MAP7D3: variants seen among roughly 807,000 people sequenced by gnomAD.
MAP7D3 encodes the protein MAP7 domain-containing protein 3.
Under a neutral mutation model 62.2 loss-of-function variants are expected in MAP7D3, and 45 were observed. The observed-to-expected ratio is 0.72, with a 90% confidence interval of 0.57 to 0.93. The LOEUF is 0.93. MAP7D3 is among the 40% of genes least tolerant of loss of function. The probability of loss-of-function intolerance (pLI) is 0.00; values close to 1 mark genes in which losing one functional copy is unlikely to be tolerated. For missense variants in MAP7D3, 711 were observed against 683.1 expected (o/e 1.04, Z -0.45); for synonymous variants, 288 against 248.8 (o/e 1.16, Z -1.48).
chrX:136,252,228 T>C (rs1336670105), upstream of MAP7D3, among the ~76,000 whole-genome samples: 2 of 111,040 alleles, frequency 1.8e-5, no homozygotes. Context: ...GATCCCAAAA[T>C]GGGGCTGGAC....
chrX:136,252,764 C>T (rs2074528105), upstream of MAP7D3, among the ~76,000 whole-genome samples: 1 of 99,738 alleles, frequency 1.0e-5, no homozygotes. Flanking sequence ...AAAATTAAAA[C>T]GTGGTCAATA....
chrX:136,226,256 C>T (rs935662166), intron 12 of MAP7D3, among the ~76,000 whole-genome samples: 1 of 111,297 alleles, frequency 9.0e-6, no homozygotes, highest in African/African-American at 3.3e-5. Flanking sequence ...TTGTTATGAA[C>T]ATCACACCAT....
chrX:136,243,119 A>G (rs909653724), intron 4 of MAP7D3, among the ~76,000 whole-genome samples: 1 of 111,141 alleles, frequency 9.0e-6, no homozygotes, highest in African/African-American at 3.3e-5. Context: ...ATGGATGAGG[A>G]GGGAGGAAAC....
chrX:136,247,590 AT>A (rs35551706), intron 1 of MAP7D3, among the ~76,000 whole-genome samples: 42,317 of 94,084 alleles, frequency 0.45, 7,783 homozygotes, highest in East Asian at 0.72. Flanking sequence ...AAGGATCACC[AT>A]TTTTTTTTTT....
Position 136,230,296 on chromosome X carries a change from A to C in MAP7D3, c.1750+89T>G, listed in dbSNP as rs1469242049. 9.3e-6 allele frequency: 5 copies of C among 535,758 alleles called. No homozygotes were observed. The Admixed American group carries it at 9.5e-5, about 10-fold the overall frequency. 44.2% of individuals were successfully genotyped at this position (535,758 alleles called of 1,213,427 possible). A position where few individuals can be genotyped will look rare whatever the true frequency, so the allele number is the denominator to read the frequency against. ...GAAAATAATTCCCTAAAGTTCTCTCAATTGGGGAATAAAATGAAGTGAACC... is the reference window on the plus strand; with the variant it reads ...GAAAATAATTCCCTAAAGTTCTCTCCATTGGGGAATAAAATGAAGTGAACC... On this transcript the variant is annotated intron_variant, in intron 10 of 18. Transcript: ENST00000316077.
chrX:136,220,878 T>C lies in MAP7D3; in HGVS notation c.2373A>G (p.Leu791=). 2 of 1,203,972 alleles carry C rather than the reference T, an allele frequency of 1.7e-6. No homozygotes were observed. The highest frequency in any genetic ancestry group is 2.3e-6 in the Non-Finnish European group (2 of 888,144). ...TACGGACCTGGCTGGTACCATCTTCTAGAAATACCAGCTTGTGTGTCATTT... is the reference window on the plus strand; with the variant it reads ...TACGGACCTGGCTGGTACCATCTTCCAGAAATACCAGCTTGTGTGTCATTT... ...AKKMTHKLVF[L]EDGTSQVRKE... Residue 791 remains leucine, a synonymous_variant, in exon 16 of 19, where the codon CTA becomes CTG. Coordinates refer to ENST00000316077, the MANE Select transcript of MAP7D3 (RefSeq NM_024597.4).
At chrX:136,230,171 C>CAA (rs1048071315) in intron 10 of MAP7D3, among the ~76,000 whole-genome samples, 32 of 107,571 alleles carry the variant, frequency 3.0e-4, no homozygotes, top group Non-Finnish European at 3.3e-4. Context: ...ATGGATTTTT[C>CAA]AAAACAAAGG....
rs1055994229 is a variant in MAP7D3, at chrX:136,217,486, G to A, written c.*1040C>T. 3 of 111,919 alleles carry A rather than the reference G, an allele frequency of 2.7e-5. No individual in the cohort carries two copies. The highest frequency in any genetic ancestry group is 9.7e-5 in the African/African-American group (3 of 30,791). 9.2% of individuals were successfully genotyped at this position (111,919 alleles called of 1,213,427 possible). On this transcript the variant is annotated 3_prime_UTR_variant, in exon 19 of 19. Coordinates refer to ENST00000316077, the MANE Select transcript of MAP7D3 (RefSeq NM_024597.4). ...AGGAAACACTGACAAGAGCATGAAAGGTGCTGACTGTTCCAAGATGGGGCT... is the reference window on the plus strand; with the variant it reads ...AGGAAACACTGACAAGAGCATGAAAAGTGCTGACTGTTCCAAGATGGGGCT...
intron 6 of MAP7D3, among the ~76,000 whole-genome samples, chrX:136,239,215 A>G (rs897107482): frequency 2.9e-4 from 33 of 112,164 alleles, no homozygotes; most frequent in African/African-American, 1.0e-3. Context: ...GCTACAAGCC[A>G]GACATGGTTA....
At chrX:136,245,704 G>A (rs1374836259) in intron 3 of MAP7D3, among the ~76,000 whole-genome samples, 4 of 110,143 alleles carry the variant, frequency 3.6e-5, no homozygotes, top group South Asian at 4.0e-4. Context: ...CTGAGATCGC[G>A]CCACTGAACT....
intron 4 of MAP7D3, among the ~76,000 whole-genome samples, chrX:136,242,106 C>T (rs989561849): frequency 1.8e-5 from 2 of 111,488 alleles, no homozygotes; most frequent in Non-Finnish European, 3.8e-5. Context: ...CAAAGATAAA[C>T]GTACTAGGAA....
chrX:136,233,635 TAAAAAAAAAAAAAAAAA>T (rs151267120), intron 7 of MAP7D3, among the ~76,000 whole-genome samples: 1 of 30,588 alleles, frequency 3.3e-5, no homozygotes, highest in South Asian at 4.2e-3. Flanking sequence ...TAAATTAAAC[TAAAAAAAAAAAAAAAAA>T]AAAAAAAAAA....
intron 3 of MAP7D3, among the ~76,000 whole-genome samples, chrX:136,245,725 T>C (rs1170625242): frequency 5.5e-5 from 6 of 109,898 alleles, no homozygotes; most frequent in Non-Finnish European, 1.1e-4. Flanking sequence ...CCAGCTTGGG[T>C]GACAGAGTAA....
chrX:136,229,993 A>ATTT (rs1173283842), intron 10 of MAP7D3, among the ~76,000 whole-genome samples: 103 of 48,096 alleles, frequency 2.1e-3, no homozygotes, highest in African/African-American at 6.9e-3. Context: ...ATATATATAT[A>ATTT]TTTTTTTTTT....
Position 136,230,554 on chromosome X carries a change from T to C in MAP7D3, c.1581A>G (p.Pro527=). The C allele has an allele frequency of 2.5e-6, 3 of 1,201,713 alleles. No individual in the cohort carries two copies. Among genetic ancestry groups the C allele is most frequent in the Non-Finnish European group, 3.4e-6 (3 of 886,937 alleles). Residue 527 remains proline (P), a synonymous_variant, in exon 10 of 19, where the codon CCA becomes CCG. Coordinates refer to ENST00000316077, the MANE Select transcript of MAP7D3 (RefSeq NM_024597.4). ...TCTGTGGTGACTGTTTTGAAATAAG[T>C]GGTAATGGTGATGGAGGGCAGTTCT... is the stretch of plus-strand genomic sequence containing the variant. ...IQKNCPPSPL[P]LISKQSPQTS...
chrX:136,234,898 C>T (rs942834073), intron 7 of MAP7D3, among the ~76,000 whole-genome samples: 2 of 111,687 alleles, frequency 1.8e-5, no homozygotes, highest in African/African-American at 6.5e-5. Flanking sequence ...GGAGGTCTCA[C>T]AAATGCAAAG....
Position 136,222,399 on chromosome X carries a change from G to C in MAP7D3, c.2281C>G (p.Pro761Ala). The C allele has an allele frequency of 8.3e-7, 1 of 1,204,286 alleles. No homozygotes were observed. The highest frequency in any genetic ancestry group is 1.1e-6 in the Non-Finnish European group (1 of 888,903). ...CTCCTAAATGGTGACTAACCTGATG[G>C]AAACATTTCATTCAATGAGTCCTTG... ...SDKDSLNEMF[P>A]SAILNGTGSP... Residue 761 changes from proline (P) to alanine (A), a missense_variant, in exon 15 of 19, where the codon CCA becomes GCA. Transcript: ENST00000316077.
intron 16 of MAP7D3, chrX:136,219,881 G>A (rs1239184943): frequency 6.6e-6 from 3 of 457,531 alleles, no homozygotes; most frequent in Non-Finnish European, 1.1e-5. Context: ...AGGTCCCACG[G>A]AAGCACCAGG....
chrX:136,213,969 C>A (rs945613681), downstream of MAP7D3: 18 of 111,318 alleles, frequency 1.6e-4, no homozygotes, highest in African/African-American at 5.9e-4. Flanking sequence ...GAAACCCTGT[C>A]TCTACTAAAA....
Sources: gnomAD v4.1 joint callset for allele counts (sites outside exome capture counted in the v4.1 genomes callset) on GRCh38, gnomAD v4.1.1 for gene constraint, MANE v1.5 for transcripts, NCBI Gene and HGNC (gene_info 2026-07-23, HGNC 2026-07-21) for gene names.